RBM15: variants seen among roughly 807,000 people sequenced by gnomAD.
RBM15 encodes RNA binding motif protein 15.
RBM15 carries 8 observed loss-of-function variants against 62.6 expected under a neutral mutation model. The observed-to-expected ratio is 0.13, with a 90% confidence interval of 0.07 to 0.23. The LOEUF is 0.23. RBM15 is among the 10% of genes least tolerant of loss of function. The probability of loss-of-function intolerance (pLI) is 1.00; values close to 1 mark genes in which losing one functional copy is unlikely to be tolerated. For missense variants in RBM15, 1,144 were observed against 1,286.5 expected (o/e 0.89, Z 1.69); for synonymous variants, 606 against 505.7 (o/e 1.20, Z -2.66).
Position 110,339,423 on chromosome 1 carries a change from G to T in RBM15, c.18G>T (p.Arg6=). 1 of 1,526,254 alleles carries T rather than the reference G, an allele frequency of 6.6e-7. No homozygotes were observed. The highest frequency in any genetic ancestry group is 8.8e-7 in the Non-Finnish European group (1 of 1,135,656). The allele number at this position is 1,526,254 out of a possible 1,614,324, so 94.5% of individuals were successfully genotyped here. Residue 6 remains arginine (R), a synonymous_variant, in exon 1 of 3, where the codon CGG becomes CGT. Coordinates refer to ENST00000369784, the MANE Select transcript of RBM15 (RefSeq NM_022768.5). MRTAG[R]DPVPRRSPRW... is the part of the protein sequence containing the mutation. ...ATTGGCCAATGAGGACTGCGGGGCG[G>T]GACCCTGTGCCGCGGCGGAGTCCAA...
rs1220820100 is a variant in RBM15 at position 110,339,381 on chromosome 1, C to T, written c.-25C>T. On this transcript the variant is annotated 5_prime_UTR_variant, in exon 1 of 3. Transcript: ENST00000369784. ...TAGACAAATAATTTTCCCAATGAGA[C>T]TGTAGAAGAGAGAGCAATTGGCCAA... The T allele has an allele frequency of 2.0e-6, 3 of 1,487,900 alleles. No individual in the cohort carries two copies. In the South Asian group the frequency reaches 4.3e-5, roughly 21 times the overall value. 92.2% of individuals were successfully genotyped at this position (1,487,900 alleles called of 1,614,324 possible). A position where few individuals can be genotyped will look rare whatever the true frequency, so the allele number is the denominator to read the frequency against.
Position 110,339,656 on chromosome 1 carries a change from G to A in RBM15, c.251G>A (p.Ser84Asn), listed in dbSNP as rs1373795001. Residue 84 changes from serine (S) to asparagine (N), a missense_variant, in exon 1 of 3, where the codon AGC becomes AAC. Around this residue, in one of 8 missense-constraint regions of RBM15, gnomAD observed 298 missense variants for 250.0 expected, o/e 1.19. Coordinates refer to ENST00000369784, the MANE Select transcript of RBM15 (RefSeq NM_022768.5). The part of the protein sequence containing the change: ...LGGSGGSNGS[S>N]SGKTDSGGGS... ...GGCTCTGGTGGCAGCAATGGGAGCAGCAGCGGAAAGACCGATAGCGGCGGT... is the reference window on the plus strand; with the variant it reads ...GGCTCTGGTGGCAGCAATGGGAGCAACAGCGGAAAGACCGATAGCGGCGGT... 6.2e-7 allele frequency: 1 copy of A among 1,613,394 alleles called. No homozygotes were observed. Among genetic ancestry groups the A allele is most frequent in the Non-Finnish European group, 8.5e-7 (1 of 1,180,012 alleles).
Position 110,340,724 on chromosome 1 carries a change from T to A in RBM15, c.1319T>A (p.Ile440Asn). 1.2e-6 allele frequency: 2 copies of A among 1,614,152 alleles called. No individual in the cohort carries two copies. Among genetic ancestry groups the A allele is most frequent in the Non-Finnish European group, 1.7e-6 (2 of 1,180,042 alleles). Residue 440 changes from isoleucine (I) to asparagine (N), a missense_variant, in exon 1 of 3, where the codon ATT becomes AAT. Transcript: ENST00000369784. This position sits in a 1 kb window ranked among gnomAD's most constrained non-coding sequence, Gnocchi z 5.8. Reference protein sequence around the residue: ...AKLAMSGKIIIRNPIKIGYGK... With the variant: ...AKLAMSGKIINRNPIKIGYGK... ...TTAGCAATGTCTGGCAAAATTATAA[T>A]TCGGAATCCTATCAAAATTGGTTAT...
rs760086929 is a variant in RBM15 at position 110,339,454 on chromosome 1, C to T, written c.49C>T (p.Arg17Trp). Residue 17 changes from arginine to tryptophan, a missense_variant, in exon 1 of 3, where the codon CGG becomes TGG. By Grantham distance (101) the Arg-to-Trp change is moderately radical. Coordinates refer to ENST00000369784, the MANE Select transcript of RBM15 (RefSeq NM_022768.5). ...DPVPRRSPRW[R>W]RAVPLCETSA... is the part of the protein sequence containing the mutation. ...TGTGCCGCGGCGGAGTCCAAGATGG[C>T]GGCGTGCGGTTCCGCTGTGTGAAAC... 9.1e-6 allele frequency: 14 copies of T among 1,543,440 alleles called. No homozygotes were observed. Among genetic ancestry groups the T allele is most frequent in the Admixed American group, 3.9e-5 (2 of 51,608 alleles).
intron 1 of RBM15, 132 bp from the exon 2 acceptor site, chr1:110,345,407 T>A: frequency 2.8e-6 from 2 of 726,068 alleles, no homozygotes; most frequent in Non-Finnish European, 5.0e-6. Flanking sequence ...TGGGTCCATA[T>A]AGGAACCAAT....
At chr1:110,342,573 T>G (rs1299450334) in intron 1 of RBM15, 8 of 340,058 alleles carry the variant, frequency 2.4e-5, no homozygotes, top group African/African-American at 1.7e-4. Flanking sequence ...TTCAGTTGTT[T>G]TTTTTTTAAT....
rs1429960228 is a variant in RBM15 at position 110,339,682 on chromosome 1, G to T, written c.277G>T (p.Gly93Trp). 4 of 1,613,048 alleles carry T rather than the reference G, an allele frequency of 2.5e-6. No individual in the cohort carries two copies. The highest frequency in any genetic ancestry group is 1.3e-5 in the African/African-American group (1 of 75,052). ...CAGCGGAAAGACCGATAGCGGCGGT[G>T]GGTCGCGGCGGAGTCTCCACCTGGA... The part of the protein sequence containing the change: ...SSSGKTDSGG[G>W]SRRSLHLDKS... Residue 93 changes from glycine to tryptophan, a missense_variant, in exon 1 of 3, where the codon GGG becomes TGG. This residue lies in a region of RBM15 where 298 missense variants were observed against 250.0 expected (regional missense o/e 1.19). Transcript: ENST00000369784.
chr1:110,342,310 G>T (rs1399921917), intron 1 of RBM15, 42 bp downstream of exon 1: 2 of 1,481,988 alleles, frequency 1.3e-6, no homozygotes, highest in Admixed American at 4.5e-5. Context: ...TTACTACTTT[G>T]ACATGGTTCC....
rs1486767061 is a variant in RBM15, at chr1:110,340,211, C to T, written c.806C>T (p.Ser269Leu). 7.4e-6 allele frequency: 12 copies of T among 1,614,082 alleles called. No individual in the cohort carries two copies. Among genetic ancestry groups the T allele is most frequent in the South Asian group, 1.1e-5 (1 of 91,088 alleles). The change falls in exon 1 of 3, where the codon TCA (serine) becomes TTA (leucine). Residue 269 changes from serine (S) to leucine (L), a missense_variant. Physicochemically the swap from Ser to Leu is moderately radical, Grantham distance 145. Around this residue, in one of 8 missense-constraint regions of RBM15, gnomAD observed 188 missense variants for 185.6 expected, o/e 1.01. Transcript: ENST00000369784. This position sits in a 1 kb window ranked among gnomAD's most constrained non-coding sequence, Gnocchi z 5.8. ...TTAGACAAAGATACTTATCCTCCAT[C>T]AGCCAGTGTGGTCGGGGCCTCTGTA... ...SPLDKDTYPP[S>L]ASVVGASVGG...
At position 110,346,310 on chromosome 1, in the gene RBM15, A is replaced by G. The variant is rs773555114; in HGVS notation, c.*43A>G. On this transcript the variant is annotated splice_region_variant and 3_prime_UTR_variant, in exon 3 of 3. Transcript: ENST00000369784. ...CTTTTTTTCCCCCCCTCCGCAAGCA[A>G]AACTGGTTGAACAGCGGATGAAGAT... The G allele has an allele frequency of 3.8e-6, 6 of 1,598,394 alleles. No individual in the cohort carries two copies. Among genetic ancestry groups the G allele is most frequent in the South Asian group, 3.3e-5 (3 of 91,084 alleles).
At position 110,341,164 on chromosome 1, in the gene RBM15, G is replaced by T. The variant is rs1570611454; in HGVS notation, c.1759G>T (p.Val587Leu). 6.2e-7 allele frequency: 1 copy of T among 1,614,048 alleles called. No individual in the cohort carries two copies. Among genetic ancestry groups the T allele is most frequent in the African/African-American group, 1.3e-5 (1 of 75,028 alleles). Reference protein sequence around the residue: ...DRDLYPDSDWVPPPPPVRERS... With the variant: ...DRDLYPDSDWLPPPPPVRERS... The stretch of plus-strand genomic sequence containing the variant: ...GGACCTTTATCCTGACTCTGATTGG[G>T]TGCCACCCCCACCCCCAGTCCGAGA... The change falls in exon 1 of 3, where the codon GTG becomes TTG. Residue 587 changes from valine to leucine, a missense_variant. Transcript: ENST00000369784. This position sits in a 1 kb window ranked among gnomAD's most constrained non-coding sequence, Gnocchi z 4.5.
At chr1:110,344,396 C>CT (rs1011578074) in intron 1 of RBM15, among the ~76,000 whole-genome samples, 20 of 151,264 alleles carry the variant, frequency 1.3e-4, no homozygotes, top group South Asian at 6.3e-4. Context: ...CTTTTACTTT[C>CT]TTTTTTTTTG....
intron 2 of RBM15, 102 bp downstream of exon 2, chr1:110,345,751 A>G (rs763836865): frequency 4.2e-5 from 29 of 697,714 alleles, no homozygotes; most frequent in East Asian, 2.5e-4. Context: ...CTGTTTAACA[A>G]TTATTTGTAT....
At chr1:110,342,344 A>G in intron 1 of RBM15, 76 bp downstream of exon 1, 1 of 1,158,038 alleles carries the variant, frequency 8.6e-7, no homozygotes, top group African/African-American at 1.5e-5. Context: ...GTAATGGGAT[A>G]CAGCATCAGA....
At position 110,340,366 on chromosome 1, in the gene RBM15, C is replaced by T. The variant is rs2101139559; in HGVS notation, c.961C>T (p.Pro321Ser). ...TGGCCGCCTGCCCCCTCCACCTCCG[C>T]CACCATTGCCTCGAGACCTGGAGAG... ...ALGRLPPPPPPPLPRDLERER... is the reference protein window; with the variant it reads ...ALGRLPPPPPSPLPRDLERER... The change falls in exon 1 of 3, where the codon CCA becomes TCA. Residue 321 changes from proline (P) to serine (S), a missense_variant. Physicochemically the swap from Pro to Ser is moderately conservative, Grantham distance 74 (BLOSUM62 -1). Coordinates refer to ENST00000369784, the MANE Select transcript of RBM15 (RefSeq NM_022768.5). This position sits in a 1 kb window ranked among gnomAD's most constrained non-coding sequence, Gnocchi z 5.8. The T allele has an allele frequency of 2.5e-6, 4 of 1,614,196 alleles. No homozygotes were observed. The highest frequency in any genetic ancestry group is 2.5e-6 in the Non-Finnish European group (3 of 1,180,030).
At position 110,339,840 on chromosome 1, in the gene RBM15, G is replaced by C; in HGVS notation, c.435G>C (p.Arg145=). ...GGGGCGAATCGCGCAGCAGCTCCCG[G>C]GGTGGAGGCGGGGAGTCACGTTCCT... ...SGGGESRSSS[R]GGGGESRSSG... is the part of the protein sequence containing the mutation. The change falls in exon 1 of 3, where the codon CGG becomes CGC. Residue 145 remains arginine, a synonymous_variant. Coordinates refer to ENST00000369784, the MANE Select transcript of RBM15 (RefSeq NM_022768.5). 1 of 1,599,548 alleles carries C rather than the reference G, an allele frequency of 6.3e-7. No homozygotes were observed. The highest frequency in any genetic ancestry group is 8.6e-7 in the Non-Finnish European group (1 of 1,169,538).
At position 110,346,633 on chromosome 1, in the gene RBM15, G is replaced by A; in HGVS notation, c.*366G>A. The A allele has an allele frequency of 2.3e-6, 1 of 432,898 alleles. No individual in the cohort carries two copies. The highest frequency in any genetic ancestry group is 4.0e-5 in the Admixed American group (1 of 25,100). 26.8% of individuals were successfully genotyped at this position (432,898 alleles called of 1,614,324 possible). On this transcript the variant is annotated 3_prime_UTR_variant, in exon 3 of 3. Transcript: ENST00000369784. ...CTCTCAAACGTGCGCTCACAGTTGAGCTGCTTTTGTTTTATTCTAAATAAA... is the reference window on the plus strand; with the variant it reads ...CTCTCAAACGTGCGCTCACAGTTGAACTGCTTTTGTTTTATTCTAAATAAA...
chr1:110,341,136 T>C lies in RBM15; in HGVS notation c.1731T>C (p.Asp577=). The change falls in exon 1 of 3, where the codon GAT becomes GAC. Residue 577 remains aspartate, a synonymous_variant. Coordinates refer to ENST00000369784, the MANE Select transcript of RBM15 (RefSeq NM_022768.5). This position sits in a 1 kb window ranked among gnomAD's most constrained non-coding sequence, Gnocchi z 4.5. The stretch of plus-strand genomic sequence containing the variant: ...CACCCTTACTATACAGAGATCGTGA[T>C]AGGGACCTTTATCCTGACTCTGATT... ...RTPPLLYRDR[D]RDLYPDSDWV... 1 of 1,614,124 alleles carries C rather than the reference T, an allele frequency of 6.2e-7. No individual in the cohort carries two copies. The highest frequency in any genetic ancestry group is 8.5e-7 in the Non-Finnish European group (1 of 1,179,984).
Position 110,346,394 on chromosome 1 carries a change from T to C in RBM15, c.*127T>C, listed in dbSNP as rs1266455873. The C allele has an allele frequency of 6.5e-7, 1 of 1,547,688 alleles. No individual in the cohort carries two copies. Among genetic ancestry groups the C allele is most frequent in the Non-Finnish European group, 8.8e-7 (1 of 1,134,558 alleles). On this transcript the variant is annotated 3_prime_UTR_variant, in exon 3 of 3. Coordinates refer to ENST00000369784, the MANE Select transcript of RBM15 (RefSeq NM_022768.5). ...GAGAAGTTGTGGCTTATGTGGAGTTTACATGGGCCTCTGATGGAAGAAAGC... is the reference window on the plus strand; with the variant it reads ...GAGAAGTTGTGGCTTATGTGGAGTTCACATGGGCCTCTGATGGAAGAAAGC...
Sources: gnomAD v4.1 joint callset for allele counts (sites outside exome capture counted in the v4.1 genomes callset) on GRCh38, gnomAD v4.1.1 for gene constraint, gnomAD v4.1.1 regional missense constraint, Gnocchi (gnomAD v3.1) non-coding constraint, MANE v1.5 for transcripts, NCBI Gene and HGNC (gene_info 2026-07-23, HGNC 2026-07-21) for gene names.